Variants in FARP1 observed in about 807,000 individuals in gnomAD.
FARP1 encodes the protein FERM, ARHGEF and pleckstrin domain-containing protein 1.
A neutral mutation model predicts 128.8 loss-of-function variants in FARP1; 52 were observed. The observed-to-expected ratio is 0.40, with a 90% confidence interval of 0.32 to 0.51. The LOEUF (loss-of-function observed/expected upper bound fraction) is 0.51, where lower values mean the gene tolerates loss of function less well. FARP1 is among the 20% of genes least tolerant of loss of function. The pLI, the probability that FARP1 is intolerant of heterozygous loss-of-function variation, is 0.45. For synonymous variants in FARP1, 580 were observed against 551.8 expected, an observed-to-expected ratio of 1.05 and a Z score of -0.72; for missense variants, 1,333 against 1,367.9, an observed-to-expected ratio of 0.97 and a Z score of 0.40.
At position 98,435,760 on chromosome 13, in the gene FARP1, G is replaced by A. The variant is rs767879784; in HGVS notation, c.2274+54G>A. 2.5e-5 allele frequency: 40 copies of A among 1,586,362 alleles called. No homozygotes were observed. In the East Asian group the frequency reaches 4.0e-4, roughly 16 times the overall value. On this transcript the variant is annotated intron_variant, in intron 19 of 26. Transcript: ENST00000319562. ...GCGCGGGGAGCAGAAAGGAGGCATC[G>A]GAGGGACTTACATTTGAACCTTTTG...
At chr13:98,352,378 A>C (rs1888471807) in intron 3 of FARP1, among the ~76,000 whole-genome samples, 1 of 152,222 alleles carries the variant, frequency 6.6e-6, no homozygotes, top group South Asian at 2.1e-4. Flanking sequence ...GCTGTGCTCC[A>C]GTGACCAGTA....
chr13:98,360,705 G>A lies in FARP1; in HGVS notation c.277-4690G>A, dbSNP rs147132989. ...TAGGCCTTCAAACCCTGGCAGAGGC[G>A]CCTGGATTCAGTAAGCAGGTGCATC... On this transcript the variant is annotated intron_variant, in intron 3 of 26. Transcript: ENST00000319562. Among the ~76,000 whole-genome samples the A allele has an allele frequency of 2.5e-3, 380 of 152,262 alleles. 5 individuals are homozygous for A. Among genetic ancestry groups the A allele is most frequent in the African/African-American group, 8.0e-3 (331 of 41,552 alleles).
chr13:98,360,659 T>C (rs1373491032), intron 3 of FARP1, among the ~76,000 whole-genome samples: 1 of 152,294 alleles, frequency 6.6e-6, no homozygotes, highest in East Asian at 1.9e-4. Flanking sequence ...TATGGCAGCC[T>C]CAGCAAACTA....
chr13:98,184,872 A>G (rs1878758315), intron 1 of FARP1, among the ~76,000 whole-genome samples: 1 of 152,242 alleles, frequency 6.6e-6, no homozygotes, highest in African/African-American at 2.4e-5. Context: ...TATTGACAAG[A>G]TACTTTGAAC....
intron 1 of FARP1, among the ~76,000 whole-genome samples, chr13:98,155,708 G>A (rs1391621075): frequency 3.9e-5 from 6 of 151,962 alleles, no homozygotes; most frequent in Admixed American, 2.0e-4. Context: ...TTGTAGAGAC[G>A]GGAGTCTCAC....
intron 2 of FARP1, chr13:98,233,893 A>G (rs1448937771): frequency 6.6e-6 from 1 of 151,770 alleles, no homozygotes; most frequent in Admixed American, 6.6e-5. Context: ...TTCCGCAAGG[A>G]CTCGCTTCAT....
At chr13:98,396,223 A>G in intron 13 of FARP1, 1 of 399,080 alleles carries the variant, frequency 2.5e-6, no homozygotes, top group East Asian at 3.6e-5. Context: ...TGCAGCCTCT[A>G]AGGTCCCTGC....
chr13:98,309,344 T>C (rs1318522937), intron 2 of FARP1, among the ~76,000 whole-genome samples: 1 of 142,126 alleles, frequency 7.0e-6, no homozygotes, highest in African/African-American at 2.7e-5. Flanking sequence ...TTTTTTTTTG[T>C]ATTTTTAGTA....
chr13:98,173,819 G>A (rs1275016330), intron 1 of FARP1, among the ~76,000 whole-genome samples: 1 of 152,246 alleles, frequency 6.6e-6, no homozygotes, highest in African/African-American at 2.4e-5. Context: ...TGCTAACTTT[G>A]AAAGCCAGCT....
At chr13:98,419,516 A>T (rs1891513757) in intron 16 of FARP1, among the ~76,000 whole-genome samples, 1 of 148,160 alleles carries the variant, frequency 6.7e-6, no homozygotes, top group Non-Finnish European at 1.5e-5. Context: ...ACACACACAC[A>T]CTCTGTTACT....
chr13:98,262,573 C>T (rs1883934371), intron 2 of FARP1, among the ~76,000 whole-genome samples: 1 of 152,210 alleles, frequency 6.6e-6, no homozygotes. Context: ...TTACAGGTTT[C>T]ATAGAAACTG....
intron 26 of FARP1, chr13:98,447,860 A>T: frequency 4.7e-6 from 1 of 213,106 alleles, no homozygotes. Context: ...AAAAAGAAAA[A>T]GAAAAAAGGA....
intron 1 of FARP1, among the ~76,000 whole-genome samples, chr13:98,154,302 C>G (rs945790573): frequency 1.3e-5 from 2 of 152,270 alleles, no homozygotes; most frequent in East Asian, 1.9e-4. Flanking sequence ...GAAGTGAAAT[C>G]CTTGTCAGCA....
intron 10 of FARP1, 109 bp from the exon 11 acceptor site, chr13:98,390,703 C>A: frequency 1.2e-6 from 1 of 827,772 alleles, no homozygotes; most frequent in Non-Finnish European, 2.0e-6. Context: ...AACCCTGCAT[C>A]TCTCCCAGTT....
rs1893009534 is a variant in FARP1, at chr13:98,448,557, A to G, written c.*240A>G. 1 of 519,844 alleles carries G rather than the reference A, an allele frequency of 1.9e-6. No individual in the cohort carries two copies. The highest frequency in any genetic ancestry group is 3.4e-6 in the Non-Finnish European group (1 of 291,552). 32.2% of individuals were successfully genotyped at this position (519,844 alleles called of 1,614,324 possible). A position where few individuals can be genotyped will look rare whatever the true frequency, so the allele number is the denominator to read the frequency against. ...GCGCTGTTCTTTAGCTAGTGCCAGT[A>G]TTAAAACATTGTCATTACGAGAGTG... is the stretch of plus-strand genomic sequence containing the variant. On this transcript the variant is annotated 3_prime_UTR_variant, in exon 27 of 27. Coordinates refer to ENST00000319562, the MANE Select transcript of FARP1 (RefSeq NM_005766.4).
At chr13:98,440,570 G>A in intron 23 of FARP1, 100 bp from the exon 24 acceptor site, 3 of 1,275,730 alleles carry the variant, frequency 2.4e-6, no homozygotes, top group Non-Finnish European at 3.3e-6. Flanking sequence ...CACAGGTTGT[G>A]ACTGCTGTGA....
chr13:98,326,672 G>A (rs1174094525), intron 2 of FARP1, among the ~76,000 whole-genome samples: 1 of 152,194 alleles, frequency 6.6e-6, no homozygotes, highest in East Asian at 1.9e-4. Context: ...GTGCCCACTA[G>A]GATATGCAGC....
At chr13:98,150,770 GA>G (rs1254195885) in intron 1 of FARP1, among the ~76,000 whole-genome samples, 1 of 151,958 alleles carries the variant, frequency 6.6e-6, no homozygotes, top group Non-Finnish European at 1.5e-5. Context: ...TATAGAGGAA[GA>G]AAAAAATTGC....
intron 3 of FARP1, among the ~76,000 whole-genome samples, chr13:98,351,351 G>A (rs953030265): frequency 4.1e-4 from 63 of 152,282 alleles, no homozygotes; most frequent in African/African-American, 1.5e-3. Flanking sequence ...GGTGGCTCAC[G>A]CCTGTAATCC....
Sources: allele counts gnomAD v4.1 joint callset (sites outside exome capture counted in the v4.1 genomes callset), GRCh38; gene constraint gnomAD v4.1.1; transcripts MANE v1.5; gene names NCBI Gene and HGNC (gene_info 2026-07-23, HGNC 2026-07-21).